MIS18A: variants seen among roughly 807,000 people sequenced by gnomAD.
MIS18A encodes MIS18 kinetochore protein A, also known as protein Mis18-alpha.
Under a neutral mutation model 25.0 loss-of-function variants are expected in MIS18A, and 14 were observed. The observed-to-expected ratio is 0.56, with a 90% CI of 0.37 to 0.88. The LOEUF (loss-of-function observed/expected upper bound fraction) is 0.88. Among genes scored for constraint, MIS18A ranks in the 40% least tolerant of loss-of-function variants. The pLI, the probability that MIS18A is intolerant of heterozygous loss-of-function variation, is 0.00. For synonymous variants in MIS18A, 134 were observed against 118.6 expected (o/e 1.13, Z -0.84); for missense variants, 292 against 290.8 (o/e 1.00, Z -0.03).
chr21:32,237,053 C>T, the MIS18A span, among the ~76,000 whole-genome samples: 2 of 150,470 alleles, frequency 1.3e-5, no homozygotes, highest in Non-Finnish European at 3.0e-5. Context: ...GGTGCAACAC[C>T]CCCCACCCCC....
At chr21:32,200,376 C>T in the MIS18A span, among the ~76,000 whole-genome samples, 36 of 152,038 alleles carry the variant, frequency 2.4e-4, no homozygotes, top group South Asian at 7.5e-3. Context: ...CTCAAGCTCT[C>T]ACTAGCTTCT....
the MIS18A span, among the ~76,000 whole-genome samples, chr21:32,221,344 G>T: frequency 3.3e-5 from 5 of 152,110 alleles, no homozygotes; most frequent in Non-Finnish European, 7.4e-5. Flanking sequence ...TTAAAGAAAA[G>T]AATTTTCAAC....
the MIS18A span, among the ~76,000 whole-genome samples, chr21:32,250,938 T>C: frequency 2.6e-5 from 4 of 152,196 alleles, no homozygotes; most frequent in East Asian, 1.9e-4. Context: ...TGGGAGGCAA[T>C]TGAATCATGG....
the MIS18A span, among the ~76,000 whole-genome samples, chr21:32,187,156 AC>A: frequency 6.6e-6 from 1 of 152,000 alleles, no homozygotes; most frequent in African/African-American, 2.4e-5. Context: ...CTAATAAATA[AC>A]CCGCCAACGA....
the MIS18A span, among the ~76,000 whole-genome samples, chr21:32,244,486 C>A: frequency 1.3e-5 from 2 of 152,158 alleles, no homozygotes; most frequent in Non-Finnish European, 2.9e-5. Context: ...CTTGTAATCA[C>A]AACATTTTGG....
chr21:32,252,646 C>G, the MIS18A span, among the ~76,000 whole-genome samples: 1 of 152,208 alleles, frequency 6.6e-6, no homozygotes, highest in African/African-American at 2.4e-5. Context: ...TTCCTTTCTC[C>G]CTCACTTAAC....
the MIS18A span, among the ~76,000 whole-genome samples, chr21:32,243,567 T>C: frequency 1.3e-5 from 2 of 152,008 alleles, no homozygotes; most frequent in Non-Finnish European, 1.5e-5. Flanking sequence ...CAAGTGCCGG[T>C]GAGGATGCAG....
downstream of MIS18A, among the ~76,000 whole-genome samples, chr21:32,265,560 C>T (rs902574712): frequency 6.6e-6 from 1 of 152,220 alleles, no homozygotes; most frequent in African/African-American, 2.4e-5. Context: ...GCCTTAGCTG[C>T]CTTCCCGCGG....
the MIS18A span, among the ~76,000 whole-genome samples, chr21:32,197,106 A>C: frequency 6.6e-6 from 1 of 152,244 alleles, no homozygotes; most frequent in Non-Finnish European, 1.5e-5. Context: ...GGTTTATTAC[A>C]TGGTAAATAC....
the MIS18A span, among the ~76,000 whole-genome samples, chr21:32,164,196 C>T: frequency 6.6e-6 from 1 of 152,096 alleles, no homozygotes; most frequent in Non-Finnish European, 1.5e-5. Context: ...CCGAGCAAAC[C>T]ATATCCAAAC....
At chr21:32,258,843 T>C in the MIS18A span, among the ~76,000 whole-genome samples, 1 of 114,030 alleles carries the variant, frequency 8.8e-6, no homozygotes, top group African/African-American at 4.0e-5. Flanking sequence ...ATTTTATTTA[T>C]TTATTTATTT....
chr21:32,195,034 C>T, the MIS18A span, among the ~76,000 whole-genome samples: 5 of 152,098 alleles, frequency 3.3e-5, no homozygotes, highest in Admixed American at 1.3e-4. Flanking sequence ...TAACCCTAAA[C>T]CCATTTAAGA....
At chr21:32,173,955 G>GTTTT in the MIS18A span, among the ~76,000 whole-genome samples, 5 of 92,588 alleles carry the variant, frequency 5.4e-5, no homozygotes, top group Non-Finnish European at 6.0e-5. Flanking sequence ...TACTTTTTAA[G>GTTTT]TTTTTTTTTT....
chr21:32,263,189 G>A, the MIS18A span, among the ~76,000 whole-genome samples: 1 of 152,238 alleles, frequency 6.6e-6, no homozygotes, highest in Non-Finnish European at 1.5e-5. Context: ...TATCTGGGGA[G>A]AGCAAAATAG....
chr21:32,157,007 T>C, the MIS18A span, among the ~76,000 whole-genome samples: 1 of 151,832 alleles, frequency 6.6e-6, no homozygotes, highest in Non-Finnish European at 1.5e-5. Flanking sequence ...AGAACTTATA[T>C]GGCCCACTAG....
the MIS18A span, among the ~76,000 whole-genome samples, chr21:32,237,822 G>A: frequency 1.3e-5 from 2 of 152,136 alleles, no homozygotes; most frequent in Non-Finnish European, 2.9e-5. Context: ...TACTCTGACT[G>A]TGAGTAGGGG....
intron 2 of MIS18A, among the ~76,000 whole-genome samples, chr21:32,270,976 G>A (rs571723698): frequency 5.9e-5 from 9 of 152,286 alleles, no homozygotes; most frequent in Non-Finnish European, 1.2e-4. Context: ...CCGCCCCATG[G>A]GCCATAGTTT....
the MIS18A span, among the ~76,000 whole-genome samples, chr21:32,201,533 C>T: frequency 6.6e-6 from 1 of 152,196 alleles, no homozygotes; most frequent in Non-Finnish European, 1.5e-5. Context: ...CAAAAAGTTC[C>T]TTGCAGGCTG....
the MIS18A span, among the ~76,000 whole-genome samples, chr21:32,200,372 C>A: frequency 6.6e-6 from 1 of 151,950 alleles, no homozygotes; most frequent in African/African-American, 2.4e-5. Flanking sequence ...AAGACTCAAG[C>A]TCTCACTAGC....
Sources: allele counts gnomAD v4.1 joint callset (sites outside exome capture counted in the v4.1 genomes callset), GRCh38; gene constraint gnomAD v4.1.1; transcripts MANE v1.5; gene names NCBI Gene and HGNC (gene_info 2026-07-23, HGNC 2026-07-21).